LRRCC1: variants seen among roughly 807,000 people sequenced by gnomAD.
The protein encoded by LRRCC1 is leucine rich repeat and coiled-coil centrosomal protein 1.
A neutral mutation model predicts 126.0 loss-of-function variants in LRRCC1; 115 were observed. The observed-to-expected ratio is 0.91, with a 90% CI of 0.78 to 1.07. The LOEUF (loss-of-function observed/expected upper bound fraction) is 1.07. LRRCC1 is among the 50% of genes least tolerant of loss of function. The pLI is 0.00. For missense variants in LRRCC1, 1,172 were observed against 1,175.7 expected (o/e 1.00, Z 0.05); for synonymous variants, 400 against 393.4 (o/e 1.02, Z -0.20).
At position 85,107,282 on chromosome 8, in the gene LRRCC1, C is replaced by T; in HGVS notation, c.-14C>T. Reference sequence around the variant, plus strand: ...TGGGTGCCGGTTAAGACCCCGCTCCCCGTCGCCAGTGCTATGGAGGCGGCG... The same window carrying T: ...TGGGTGCCGGTTAAGACCCCGCTCCTCGTCGCCAGTGCTATGGAGGCGGCG... On this transcript the variant is annotated 5_prime_UTR_variant, in exon 1 of 19. Transcript: ENST00000360375. 6.9e-6 allele frequency: 11 copies of T among 1,605,200 alleles called. No homozygotes were observed. Among genetic ancestry groups the T allele is most frequent in the Non-Finnish European group, 9.4e-6 (11 of 1,175,558 alleles).
chr8:85,114,958 G>C, intron 4 of LRRCC1, 142 bp from the exon 5 acceptor site: 1 of 561,966 alleles, frequency 1.8e-6, no homozygotes. Context: ...TGCTGCAGAA[G>C]TTGAATAAGT....
At position 85,131,782 on chromosome 8, in the gene LRRCC1, T is replaced by A; in HGVS notation, c.1789T>A (p.Phe597Ile). 1 of 1,612,864 alleles carries A rather than the reference T, an allele frequency of 6.2e-7. No homozygotes were observed. The highest frequency in any genetic ancestry group is 8.5e-7 in the Non-Finnish European group (1 of 1,179,598). The change falls in exon 12 of 19, where the codon TTT becomes ATT. Residue 597 changes from phenylalanine to isoleucine, a missense_variant. Coordinates refer to ENST00000360375, the MANE Select transcript of LRRCC1 (RefSeq NM_033402.5). ...EHRKELETREFFTDADFQDAL... is the reference protein window; with the variant it reads ...EHRKELETREIFTDADFQDAL... ...CAGGAAGGAACTTGAAACAAGGGAG[T>A]TTTTTACTGATGCTGACTTCCAGGA...
chr8:85,136,572 G>T (rs1462702074), intron 14 of LRRCC1, among the ~76,000 whole-genome samples: 1 of 152,070 alleles, frequency 6.6e-6, no homozygotes, highest in East Asian at 1.9e-4. Flanking sequence ...ACCGTACCCG[G>T]CCAAAAGTAA....
In LRRCC1 at chr8:85,141,500, G is replaced by A; in HGVS notation, c.2959G>A (p.Asp987Asn). 2 of 1,608,548 alleles carry A rather than the reference G, an allele frequency of 1.2e-6. No individual in the cohort carries two copies. Among genetic ancestry groups the A allele is most frequent in the South Asian group, 2.2e-5 (2 of 90,340 alleles). The change falls in exon 18 of 19, where the codon GAT becomes AAT. Residue 987 changes from aspartate to asparagine, a missense_variant. By Grantham distance (23) the Asp-to-Asn change is conservative. Coordinates refer to ENST00000360375, the MANE Select transcript of LRRCC1 (RefSeq NM_033402.5). ...GGCCAATGAAAAGCAGAAGTGTATT[G>A]ATTCTGCAAATTTAAAGGTATTGTA... ...QLANEKQKCI[D>N]SANLKVHQIE...
At chr8:85,107,814 C>T (rs1808372520) in intron 1 of LRRCC1, 1 of 156,054 alleles carries the variant, frequency 6.4e-6, no homozygotes. Flanking sequence ...AGGATAGTAT[C>T]TCTGGCAGCT....
In LRRCC1 at chr8:85,109,794, G is replaced by C. The variant is rs569434437; in HGVS notation, c.304G>C (p.Val102Leu). Reference protein sequence around the residue: ...LNLSCNLITKVEGLEELINLT... With the variant: ...LNLSCNLITKLEGLEELINLT... Reference sequence around the variant, plus strand: ...TTTGTCCTGCAATTTGATTACAAAAGTAGAAGGTTTGTAAGTGATTTTCAT... The same window carrying C: ...TTTGTCCTGCAATTTGATTACAAAACTAGAAGGTTTGTAAGTGATTTTCAT... Residue 102 changes from valine (V) to leucine (L), a missense_variant, in exon 2 of 19, where the codon GTA (valine) becomes CTA (leucine). Val to Leu is a conservative substitution (Grantham distance 32, BLOSUM62 1). Transcript: ENST00000360375. 56 of 1,542,344 alleles carry C rather than the reference G, an allele frequency of 3.6e-5. No individual in the cohort carries two copies. In the South Asian group the frequency reaches 6.2e-4, roughly 17 times the overall value.
At chr8:85,144,655 G>T (rs1811537841) in intron 18 of LRRCC1, among the ~76,000 whole-genome samples, 1 of 146,860 alleles carries the variant, frequency 6.8e-6, no homozygotes. Context: ...GCAAAGGCAG[G>T]GTTTCTCCAT....
At chr8:85,113,201 G>GC (rs1808859758) in intron 4 of LRRCC1, 102 bp downstream of exon 4, 1 of 822,718 alleles carries the variant, frequency 1.2e-6, no homozygotes, top group Admixed American at 2.8e-5. Context: ...CTTCAGCTTT[G>GC]CAACATTTTC....
At chr8:85,109,560 A>G in intron 1 of LRRCC1, 35 bp from the exon 2 acceptor site, 1 of 1,279,270 alleles carries the variant, frequency 7.8e-7, no homozygotes, top group Non-Finnish European at 1.1e-6. Context: ...CATGCTTTTA[A>G]AATCTATTTT....
intron 18 of LRRCC1, among the ~76,000 whole-genome samples, chr8:85,144,931 T>C (rs1315769676): frequency 6.7e-6 from 1 of 149,412 alleles, no homozygotes; most frequent in Non-Finnish European, 1.5e-5. Context: ...AATAAAAAAG[T>C]TAGCCGGGCA....
intron 6 of LRRCC1, among the ~76,000 whole-genome samples, chr8:85,120,819 G>T (rs948859160): frequency 3.9e-5 from 6 of 152,006 alleles, no homozygotes; most frequent in South Asian, 4.1e-4. Context: ...TTATTCCATT[G>T]TATGGATATA....
Position 85,141,526 on chromosome 8 carries a change from A to C in LRRCC1, c.2976+9A>C. ...ATTCTGCAAATTTAAAGGTATTGTAAGTAAAATTCACTTCAATAATCAGTA... is the reference window on the plus strand; with the variant it reads ...ATTCTGCAAATTTAAAGGTATTGTACGTAAAATTCACTTCAATAATCAGTA... On this transcript the variant is annotated intron_variant, in intron 18 of 18. Transcript: ENST00000360375. 6.3e-7 allele frequency: 1 copy of C among 1,586,778 alleles called. No homozygotes were observed. Among genetic ancestry groups the C allele is most frequent in the Non-Finnish European group, 8.6e-7 (1 of 1,162,192 alleles).
chr8:85,145,503 G>A lies in LRRCC1; in HGVS notation c.3091G>A (p.Asp1031Asn). The change falls in exon 19 of 19, where the codon GAT becomes AAT. Residue 1031 changes from aspartate to asparagine, a missense_variant. Coordinates refer to ENST00000360375, the MANE Select transcript of LRRCC1 (RefSeq NM_033402.5). ...TTTTGCTTTAAATGAAATTCAGCAA[G>A]ATATGTGATGGTTCTGAGAATGAAT... ...LAFALNEIQQDM is the reference protein window; with the variant it reads ...LAFALNEIQQNM 1 of 1,580,692 alleles carries A rather than the reference G, an allele frequency of 6.3e-7. No individual in the cohort carries two copies. Among genetic ancestry groups the A allele is most frequent in the Non-Finnish European group, 8.5e-7 (1 of 1,169,860 alleles).
intron 3 of LRRCC1, 56 bp downstream of exon 3, chr8:85,110,236 G>A: frequency 1.4e-6 from 1 of 717,222 alleles, no homozygotes; most frequent in Admixed American, 2.9e-5. Flanking sequence ...CATGTGATAA[G>A]TTAACAGCTC....
At chr8:85,137,853 TA>T (rs1365260650) in intron 15 of LRRCC1, among the ~76,000 whole-genome samples, 181 bp from the exon 16 acceptor site, 2 of 152,196 alleles carry the variant, frequency 1.3e-5, no homozygotes, top group African/African-American at 4.8e-5. Flanking sequence ...TGGAGAATCT[TA>T]TTATGGCCTT....
chr8:85,126,265 CAT>C (rs1371681478), intron 8 of LRRCC1, among the ~76,000 whole-genome samples: 1 of 152,088 alleles, frequency 6.6e-6, no homozygotes, highest in East Asian at 1.9e-4. Context: ...CTACCAGTAA[CAT>C]AATTTTTGGC....
chr8:85,144,819 C>T (rs1272391783), intron 18 of LRRCC1, among the ~76,000 whole-genome samples: 4 of 144,162 alleles, frequency 2.8e-5, no homozygotes, highest in Admixed American at 2.7e-4. Context: ...ACCTGTAATC[C>T]CAGCACTTTG....
chr8:85,138,400 A>G lies in LRRCC1; in HGVS notation c.2765A>G (p.Lys922Arg). 6.2e-7 allele frequency: 1 copy of G among 1,612,550 alleles called. No individual in the cohort carries two copies. The highest frequency in any genetic ancestry group is 8.5e-7 in the Non-Finnish European group (1 of 1,179,204). Residue 922 changes from lysine to arginine, a missense_variant, in exon 17 of 19, where the codon AAA becomes AGA. Transcript: ENST00000360375. ...CTATGTCATCTTGAAACACAAGTAA[A>G]AGAAGTGAAAGAAAAATTTGAAAAC... Reference protein sequence around the residue: ...ELLCHLETQVKEVKEKFENKE... With the variant: ...ELLCHLETQVREVKEKFENKE...
chr8:85,121,406 GT>G (rs879667201), intron 6 of LRRCC1, among the ~76,000 whole-genome samples: 20 of 151,270 alleles, frequency 1.3e-4, no homozygotes, highest in African/African-American at 2.2e-4. Flanking sequence ...TTAGAATTCA[GT>G]TTTTTTTGTT....
Sources: allele counts gnomAD v4.1 joint callset (sites outside exome capture counted in the v4.1 genomes callset), GRCh38; gene constraint gnomAD v4.1.1; transcripts MANE v1.5; gene names NCBI Gene and HGNC (gene_info 2026-07-23, HGNC 2026-07-21).